Variants in KLRG1 observed in about 807,000 individuals in gnomAD.
KLRG1 encodes the protein killer cell lectin like receptor G1, also known as killer cell lectin-like receptor subfamily G member 1.
In KLRG1, 16 loss-of-function variants were observed where a neutral mutation model predicts 21.8. The observed-to-expected ratio is 0.73, with a 90% CI of 0.50 to 1.11. The LOEUF (loss-of-function observed/expected upper bound fraction) is 1.11. Ranked by LOEUF, KLRG1 falls within the 50% of genes most tolerant of loss-of-function variation. KLRG1 has a pLI of 0.00. For missense variants in KLRG1, 173 were observed against 218.3 expected, an observed-to-expected ratio of 0.79 and a Z score of 1.31; for synonymous variants, 69 against 75.9, an observed-to-expected ratio of 0.91 and a Z score of 0.47.
chr12:9,177,449 G>C, the KLRG1 span, among the ~76,000 whole-genome samples: 7 of 152,184 alleles, frequency 4.6e-5, no homozygotes, highest in African/African-American at 9.7e-5. Flanking sequence ...TCACAAGCTA[G>C]ACCCACCTAG....
intron 3 of KLRG1, among the ~76,000 whole-genome samples, chr12:9,002,980 AC>A (rs1200412248): frequency 1.3e-5 from 2 of 151,294 alleles, no homozygotes; most frequent in African/African-American, 4.9e-5. Context: ...AGGTTATTGT[AC>A]TATGGTTTTG....
the KLRG1 span, chr12:9,203,956 G>A: frequency 1.9e-6 from 3 of 1,603,300 alleles, no homozygotes; most frequent in South Asian, 1.1e-5. Flanking sequence ...TACTGCCTGG[G>A]AAAGGAAGAA....
chr12:9,080,181 G>A, the KLRG1 span: 2 of 1,562,556 alleles, frequency 1.3e-6, no homozygotes, highest in Middle Eastern at 1.7e-4. Context: ...TCACCACCTA[G>A]AGAAATAAGC....
chr12:9,187,162 G>A, the KLRG1 span, among the ~76,000 whole-genome samples: 50 of 150,090 alleles, frequency 3.3e-4, no homozygotes, highest in Middle Eastern at 3.2e-3. Context: ...AAATCTACAT[G>A]CACCCAACAC....
the KLRG1 span, among the ~76,000 whole-genome samples, chr12:9,041,556 T>A: frequency 6.6e-6 from 1 of 152,178 alleles, no homozygotes; most frequent in Non-Finnish European, 1.5e-5. Context: ...GAGCTGGTGT[T>A]GTGTGTCTTG....
chr12:9,045,162 T>G, the KLRG1 span, among the ~76,000 whole-genome samples: 1 of 151,992 alleles, frequency 6.6e-6, no homozygotes, highest in Non-Finnish European at 1.5e-5. Context: ...ATACTGAAAA[T>G]CAACAACTTT....
chr12:9,077,858 C>T, the KLRG1 span: 1 of 1,614,088 alleles, frequency 6.2e-7, no homozygotes, highest in Non-Finnish European at 8.5e-7. Context: ...GGCTGTGAGC[C>T]TGACCAGGGA....
intron 3 of KLRG1, among the ~76,000 whole-genome samples, chr12:9,002,056 A>G (rs1315460688): frequency 6.6e-6 from 1 of 151,864 alleles, no homozygotes; most frequent in East Asian, 1.9e-4. Flanking sequence ...AAATCTTTTC[A>G]TATTCTTAGA....
chr12:9,205,976 C>T, the KLRG1 span, among the ~76,000 whole-genome samples: 1 of 152,132 alleles, frequency 6.6e-6, no homozygotes. Flanking sequence ...CCATGAATCT[C>T]CAGGGCCACT....
chr12:9,058,613 G>A, the KLRG1 span: 1 of 152,230 alleles, frequency 6.6e-6, no homozygotes, highest in Non-Finnish European at 1.5e-5. Flanking sequence ...CCTCTTGTCT[G>A]TGACACTCCA....
At chr12:9,059,929 C>T in the KLRG1 span, among the ~76,000 whole-genome samples, 1 of 151,408 alleles carries the variant, frequency 6.6e-6, no homozygotes, top group African/African-American at 2.4e-5. Context: ...ATCCATCCGC[C>T]TTGGCCTCCC....
At chr12:9,014,156 T>G (rs1947668292), downstream of KLRG1, among the ~76,000 whole-genome samples, 2 of 152,000 alleles carry the variant, frequency 1.3e-5, no homozygotes, top group Non-Finnish European at 2.9e-5. Flanking sequence ...GTTTTGACCT[T>G]AAAGAGGAGG....
At chr12:9,019,144 T>A in the KLRG1 span, among the ~76,000 whole-genome samples, 1 of 152,186 alleles carries the variant, frequency 6.6e-6, no homozygotes, top group African/African-American at 2.4e-5. Flanking sequence ...AAAGAAGACA[T>A]TGAAATGGCA....
chr12:9,011,190 C>T (rs980198729), downstream of KLRG1, among the ~76,000 whole-genome samples: 2 of 152,092 alleles, frequency 1.3e-5, no homozygotes, highest in Non-Finnish European at 2.9e-5. Context: ...AGGGTTCAGG[C>T]CTTTTATAAG....
chr12:9,167,643 T>A, the KLRG1 span: 1 of 152,334 alleles, frequency 6.6e-6, no homozygotes, highest in South Asian at 2.1e-4. Flanking sequence ...GATATTTCAG[T>A]TTTCTTAGCT....
At chr12:9,045,763 C>T in the KLRG1 span, among the ~76,000 whole-genome samples, 1 of 152,118 alleles carries the variant, frequency 6.6e-6, no homozygotes, top group African/African-American at 2.4e-5. Flanking sequence ...CAGCACTATT[C>T]ACAATAGCAA....
chr12:9,155,320 C>G, the KLRG1 span, among the ~76,000 whole-genome samples: 1 of 152,004 alleles, frequency 6.6e-6, no homozygotes, highest in African/African-American at 2.4e-5. Context: ...CCAACTGAAT[C>G]AGTCCGTTTT....
At chr12:9,177,554 A>G in the KLRG1 span, among the ~76,000 whole-genome samples, 1 of 152,264 alleles carries the variant, frequency 6.6e-6, no homozygotes, top group Admixed American at 6.5e-5. Flanking sequence ...ATTGTTATGC[A>G]GCAGTAGATA....
At chr12:9,014,787 A>T (rs11502446), downstream of KLRG1, among the ~76,000 whole-genome samples, 55,943 of 151,802 alleles carry the variant, frequency 0.37, 10,422 homozygotes, top group African/African-American at 0.43. Context: ...CAAAAAAAAA[A>T]AACTACCACA....
Sources: allele counts gnomAD v4.1 joint callset (sites outside exome capture counted in the v4.1 genomes callset), GRCh38; gene constraint gnomAD v4.1.1; transcripts MANE v1.5; gene names NCBI Gene and HGNC (gene_info 2026-07-23, HGNC 2026-07-21).